The following IGSF21 variants were observed in gnomAD, a reference collection of about 807,000 sequenced individuals.
IGSF21 encodes the protein immunoglobin superfamily member 21.
In IGSF21, 28 loss-of-function variants were observed where a neutral mutation model predicts 46.8. The observed-to-expected ratio is 0.60, with a 90% confidence interval of 0.44 to 0.82. IGSF21 has a LOEUF of 0.82. IGSF21 is among the 40% of genes least tolerant of loss of function. The probability of loss-of-function intolerance (pLI) is 0.00; values close to 1 mark genes in which losing one functional copy is unlikely to be tolerated. For synonymous variants in IGSF21, 284 were observed against 273.6 expected, an observed-to-expected ratio of 1.04 and a Z score of -0.38; for missense variants, 624 against 665.5, an observed-to-expected ratio of 0.94 and a Z score of 0.69.
chr1:18,193,906 G>A (rs2086982284), intron 1 of IGSF21, among the ~76,000 whole-genome samples: 1 of 152,168 alleles, frequency 6.6e-6, no homozygotes, highest in Non-Finnish European at 1.5e-5. Flanking sequence ...GTTTCCCCCT[G>A]AGTGTGTGTC....
chr1:18,253,476 G>T (rs996892036), intron 2 of IGSF21, among the ~76,000 whole-genome samples: 4 of 152,226 alleles, frequency 2.6e-5, no homozygotes, highest in Admixed American at 6.5e-5. Context: ...TTGCTCCTTG[G>T]TCCTGCCCAG....
chr1:18,115,992 A>G (rs926439879), intron 1 of IGSF21: 2 of 152,266 alleles, frequency 1.3e-5, no homozygotes, highest in Non-Finnish European at 2.9e-5. Context: ...TTCACACATA[A>G]CATCATACTC....
At chr1:18,113,600 C>T (rs1222022306) in intron 1 of IGSF21, 1 of 2,892 alleles carries the variant, frequency 3.5e-4, no homozygotes, top group African/African-American at 6.6e-4. Flanking sequence ...ACCAACCCCG[C>T]ACCCCACCCC....
intron 2 of IGSF21, among the ~76,000 whole-genome samples, chr1:18,267,711 A>G (rs957040872): frequency 3.9e-5 from 6 of 152,162 alleles, no homozygotes; most frequent in African/African-American, 1.4e-4. Context: ...CTTTCCTTGG[A>G]CCATGCCTGG....
intron 1 of IGSF21, among the ~76,000 whole-genome samples, chr1:18,135,123 C>A (rs1451773860): frequency 1.3e-5 from 2 of 152,214 alleles, no homozygotes; most frequent in African/African-American, 2.4e-5. Context: ...GAGAAAATCA[C>A]ATTGACTGGG....
At chr1:18,204,575 G>T (rs1216252075) in intron 1 of IGSF21, among the ~76,000 whole-genome samples, 1 of 152,154 alleles carries the variant, frequency 6.6e-6, no homozygotes, top group Non-Finnish European at 1.5e-5. Flanking sequence ...GTGCTCAGAG[G>T]TGGAGGGGAG....
intron 4 of IGSF21, among the ~76,000 whole-genome samples, chr1:18,341,850 G>A (rs1345703622): frequency 1.3e-5 from 2 of 152,142 alleles, no homozygotes; most frequent in African/African-American, 4.8e-5. Context: ...TCCAAGTGAG[G>A]TTGGCAGATG....
At chr1:18,372,632 A>AGATGGATGGATG (rs779856968) in intron 6 of IGSF21, among the ~76,000 whole-genome samples, 14,190 of 135,066 alleles carry the variant, frequency 0.11, 623 homozygotes, top group East Asian at 0.2. Context: ...ATGGATGGAT[A>AGATGGATGGATG]GATGGATGGA....
In IGSF21 at chr1:18,122,193, C is replaced by CT. The variant is rs766563472; in HGVS notation, c.70+14019dup. Among the ~76,000 whole-genome samples, 179 of 78,582 alleles carry CT rather than the reference C, an allele frequency of 2.3e-3. 2 individuals are homozygous for CT. The highest frequency in any genetic ancestry group is 3.6e-3 in the East Asian group (8 of 2,208). The allele number at this position is 78,582 out of a possible 152,430, so 51.6% of individuals were successfully genotyped here. On this transcript the variant is annotated intron_variant, in intron 1 of 9. Transcript: ENST00000251296. ...TCTTTTCTTTTTTCTTTCTTTCTTT[C>CT]TTTTTTTTTTTTTTTTTTTTTTTTG...
At chr1:18,207,096 C>T (rs2084336711) in intron 1 of IGSF21, among the ~76,000 whole-genome samples, 1 of 152,164 alleles carries the variant, frequency 6.6e-6, no homozygotes, top group Admixed American at 6.5e-5. Flanking sequence ...AATTCAATTC[C>T]TTGTGGGTGT....
At chr1:18,356,323 T>C (rs1026448068) in intron 4 of IGSF21, among the ~76,000 whole-genome samples, 1 of 152,076 alleles carries the variant, frequency 6.6e-6, no homozygotes. Context: ...GCCACAGGCA[T>C]TTCAGAAAAC....
intron 2 of IGSF21, among the ~76,000 whole-genome samples, chr1:18,252,876 C>A (rs2084855898): frequency 6.6e-6 from 1 of 152,192 alleles, no homozygotes; most frequent in African/African-American, 2.4e-5. Flanking sequence ...GAAAAGAAAG[C>A]TAATGATGCC....
intron 3 of IGSF21, among the ~76,000 whole-genome samples, chr1:18,312,302 G>A (rs1406750227): frequency 6.6e-6 from 1 of 152,194 alleles, no homozygotes; most frequent in Non-Finnish European, 1.5e-5. Flanking sequence ...GTAATTGTCA[G>A]GAGATTCACT....
At chr1:18,190,663 T>A (rs573558640) in intron 1 of IGSF21, among the ~76,000 whole-genome samples, 2 of 152,194 alleles carry the variant, frequency 1.3e-5, no homozygotes, top group Non-Finnish European at 2.9e-5. Context: ...CTCTGGTCCC[T>A]CTTTCTTTCC....
intron 1 of IGSF21, among the ~76,000 whole-genome samples, chr1:18,133,007 T>C (rs529306940): frequency 6.6e-5 from 10 of 152,346 alleles, no homozygotes; most frequent in African/African-American, 2.4e-4. Flanking sequence ...TTAACCTAAA[T>C]AGAGTTATAT....
intron 1 of IGSF21, among the ~76,000 whole-genome samples, chr1:18,214,531 T>G (rs2084422980): frequency 6.6e-6 from 1 of 152,184 alleles, no homozygotes; most frequent in South Asian, 2.1e-4. Context: ...TATATTAGTC[T>G]GTTTTCACAC....
chr1:18,178,011 C>A (rs964005235), intron 1 of IGSF21, among the ~76,000 whole-genome samples: 33 of 151,856 alleles, frequency 2.2e-4, no homozygotes, highest in African/African-American at 7.8e-4. Flanking sequence ...CTTAAGCCAT[C>A]ACATAGATTT....
intron 3 of IGSF21, among the ~76,000 whole-genome samples, chr1:18,305,916 G>A (rs373134209): frequency 2.0e-5 from 3 of 152,182 alleles, no homozygotes; most frequent in Admixed American, 6.5e-5. Context: ...TCCCAGTAGC[G>A]ATGGAGCTAA....
intron 3 of IGSF21, among the ~76,000 whole-genome samples, chr1:18,331,416 G>T (rs558284443): frequency 5.8e-4 from 89 of 152,300 alleles, no homozygotes; most frequent in African/African-American, 2.1e-3. Flanking sequence ...ATTCCATCCA[G>T]GTTGCTGTGA....
Sources: gnomAD v4.1 joint callset for allele counts (sites outside exome capture counted in the v4.1 genomes callset) on GRCh38, gnomAD v4.1.1 for gene constraint, MANE v1.5 for transcripts, NCBI Gene and HGNC (gene_info 2026-07-23, HGNC 2026-07-21) for gene names.